PTPRD: variants seen among roughly 807,000 people sequenced by gnomAD.
PTPRD encodes the protein receptor-type tyrosine-protein phosphatase delta.
A neutral mutation model predicts 214.5 loss-of-function variants in PTPRD; 34 were observed. That is an observed-to-expected ratio of 0.16 (90% confidence interval 0.12 to 0.21). The LOEUF is 0.21. PTPRD is among the 10% of genes least tolerant of loss of function. PTPRD has a pLI of 1.00. For synonymous variants in PTPRD, 1,128 were observed against 845.7 expected (o/e 1.33, Z -5.79); for missense variants, 2,545 against 2,398.7 (o/e 1.06, Z -1.27).
At chr9:10,214,407 G>A (rs1195215147) in intron 3 of PTPRD, among the ~76,000 whole-genome samples, 3 of 149,930 alleles carry the variant, frequency 2.0e-5, no homozygotes, top group Non-Finnish European at 4.4e-5. Flanking sequence ...CTCCAGAGTA[G>A]CTGGGATTAC....
intron 9 of PTPRD, among the ~76,000 whole-genome samples, chr9:9,196,590 T>C (rs1290169723): frequency 6.6e-6 from 1 of 152,214 alleles, no homozygotes; most frequent in African/African-American, 2.4e-5. Context: ...AATAACTTTA[T>C]TTTTCTAAGT....
intron 9 of PTPRD, among the ~76,000 whole-genome samples, chr9:9,348,267 T>C (rs1474102926): frequency 6.6e-6 from 1 of 152,130 alleles, no homozygotes; most frequent in Non-Finnish European, 1.5e-5. Context: ...AAAAATCCTT[T>C]GGTTAGATAG....
chr9:9,525,254 C>G (rs1229282351), intron 8 of PTPRD, among the ~76,000 whole-genome samples: 4 of 152,072 alleles, frequency 2.6e-5, no homozygotes, highest in African/African-American at 4.8e-5. Context: ...TTTCATAGTC[C>G]TGGATTTCTG....
intron 2 of PTPRD, among the ~76,000 whole-genome samples, chr9:10,442,533 G>A (rs1358107180): frequency 6.6e-6 from 1 of 151,580 alleles, no homozygotes; most frequent in Non-Finnish European, 1.5e-5. Flanking sequence ...GGTCAGCAAA[G>A]GGATCTCTGA....
intron 11 of PTPRD, among the ~76,000 whole-genome samples, chr9:8,872,040 T>C (rs1301190510): frequency 6.6e-6 from 1 of 152,132 alleles, no homozygotes. Flanking sequence ...ATTGCTTCCC[T>C]TTCTCTCATA....
At chr9:10,015,771 T>C (rs903457299) in intron 4 of PTPRD, among the ~76,000 whole-genome samples, 10 of 152,200 alleles carry the variant, frequency 6.6e-5, no homozygotes, top group Admixed American at 2.6e-4. Flanking sequence ...ACCATTATCA[T>C]AGTATCTTAA....
chr9:10,115,918 T>C (rs1039832293), intron 3 of PTPRD, among the ~76,000 whole-genome samples: 3 of 152,180 alleles, frequency 2.0e-5, no homozygotes, highest in East Asian at 3.9e-4. Context: ...TTTTGGCATG[T>C]ATGACTTAGA....
chr9:10,307,377 C>T (rs1459352689), intron 3 of PTPRD, among the ~76,000 whole-genome samples: 1 of 152,034 alleles, frequency 6.6e-6, no homozygotes, highest in Admixed American at 6.6e-5. Flanking sequence ...CCCACATTTC[C>T]ATCCATGTTG....
chr9:8,686,357 A>T (rs1365375914), intron 12 of PTPRD, among the ~76,000 whole-genome samples: 2 of 152,234 alleles, frequency 1.3e-5, no homozygotes, highest in East Asian at 3.8e-4. Context: ...ATGTATATAC[A>T]AACCCACATG....
chr9:9,976,037 T>G (rs2095339139), intron 4 of PTPRD, among the ~76,000 whole-genome samples: 1 of 152,160 alleles, frequency 6.6e-6, no homozygotes, highest in Non-Finnish European at 1.5e-5. Flanking sequence ...AGTCTTCAAA[T>G]GAGGCCCACA....
At chr9:8,328,307 G>A (rs931628167) in intron 44 of PTPRD, among the ~76,000 whole-genome samples, 3 of 152,118 alleles carry the variant, frequency 2.0e-5, no homozygotes, top group Non-Finnish European at 2.9e-5. Context: ...GAAATTCTGG[G>A]TTGAAAAGTC....
At chr9:8,982,003 A>G (rs982903246) in intron 11 of PTPRD, among the ~76,000 whole-genome samples, 7 of 152,060 alleles carry the variant, frequency 4.6e-5, no homozygotes, top group African/African-American at 1.7e-4. Context: ...CTTACTATAA[A>G]TGAAAGTTAA....
At chr9:8,492,329 G>C (rs917473604) in intron 27 of PTPRD, among the ~76,000 whole-genome samples, 1 of 152,094 alleles carries the variant, frequency 6.6e-6, no homozygotes, top group Non-Finnish European at 1.5e-5. Flanking sequence ...CTTCCCTCCA[G>C]ATCTTCATGG....
At chr9:9,756,581 G>A (rs1596899383) in intron 6 of PTPRD, among the ~76,000 whole-genome samples, 2 of 152,188 alleles carry the variant, frequency 1.3e-5, no homozygotes, top group South Asian at 4.1e-4. Context: ...GGGGTTGGAG[G>A]AATGGGGAAC....
chr9:9,534,735 T>C (rs2076176709), intron 8 of PTPRD, among the ~76,000 whole-genome samples: 1 of 152,094 alleles, frequency 6.6e-6, no homozygotes. Context: ...AGTGGAAACC[T>C]CCCTGGAATC....
intron 3 of PTPRD, among the ~76,000 whole-genome samples, chr9:10,077,337 T>C (rs1758008054): frequency 6.6e-6 from 1 of 152,190 alleles, no homozygotes; most frequent in African/African-American, 2.4e-5. Context: ...AAATGTACTC[T>C]AGCTTCCTAA....
At chr9:10,428,745 C>T (rs906409979) in intron 2 of PTPRD, among the ~76,000 whole-genome samples, 2 of 152,016 alleles carry the variant, frequency 1.3e-5, no homozygotes, top group Non-Finnish European at 2.9e-5. Flanking sequence ...GGTCCATGGT[C>T]TAAACTTTTG....
intron 4 of PTPRD, among the ~76,000 whole-genome samples, chr9:9,991,833 CA>C (rs2095940660): frequency 2.1e-3 from 1 of 466 alleles, no homozygotes; most frequent in Admixed American, 0.071. Context: ...TCAACAGCAC[CA>C]CACACACACA....
chr9:9,615,425 T>C (rs1408837965), intron 7 of PTPRD, among the ~76,000 whole-genome samples: 1 of 152,158 alleles, frequency 6.6e-6, no homozygotes, highest in African/African-American at 2.4e-5. Context: ...AGTAAACATC[T>C]CTGCTCTCCA....
Sources: allele counts gnomAD v4.1 joint callset (sites outside exome capture counted in the v4.1 genomes callset), GRCh38; gene constraint gnomAD v4.1.1; transcripts MANE v1.5; gene names NCBI Gene and HGNC (gene_info 2026-07-23, HGNC 2026-07-21).